The following ANK2 variants were observed in gnomAD, a reference collection of about 807,000 sequenced individuals.
The protein encoded by ANK2 is ankyrin 2.
In ANK2, 83 loss-of-function variants were observed where a neutral mutation model predicts 360.5. The observed-to-expected ratio is 0.23, with a 90% CI of 0.19 to 0.28. ANK2 has a LOEUF of 0.28. ANK2 is among the 10% of genes least tolerant of loss of function. The pLI, the probability that ANK2 is intolerant of heterozygous loss-of-function variation, is 1.00. For missense variants in ANK2, 4,201 were observed against 4,795.7 expected (o/e 0.88, Z 3.66); for synonymous variants, 1,740 against 1,759.5 (o/e 0.99, Z 0.28).
chr4:112,786,393 A>ATT, the ANK2 span, among the ~76,000 whole-genome samples: 53 of 134,462 alleles, frequency 3.9e-4, no homozygotes, highest in African/African-American at 6.3e-4. Context: ...AACCACCAGA[A>ATT]TTTTTTTTTT....
intron 2 of ANK2, among the ~76,000 whole-genome samples, chr4:112,935,612 C>T (rs1187092732): frequency 6.6e-6 from 1 of 151,442 alleles, no homozygotes; most frequent in Non-Finnish European, 1.5e-5. Flanking sequence ...GAGGCCGAGG[C>T]AGGTGGATTG....
At chr4:112,970,065 C>T (rs1182775379) in intron 2 of ANK2, among the ~76,000 whole-genome samples, 1 of 151,860 alleles carries the variant, frequency 6.6e-6, no homozygotes, top group Non-Finnish European at 1.5e-5. Flanking sequence ...CTCACTGCAA[C>T]CGCCGCCTCC....
rs764969399 is a variant in ANK2 at position 113,373,373 on chromosome 4, T to A, written c.11783T>A (p.Val3928Asp). ...GTGCAGGGAATGCCACAGGAACCTG[T>A]CAACATCGAGGAAGGGGATGGCTAT... ...IMVQGMPQEP[V>D]NIEEGDGYSK... The change falls in exon 45 of 46, where the codon GTC becomes GAC. Residue 3928 changes from valine to aspartate, a missense_variant. By Grantham distance (152) the Val-to-Asp change is radical. Transcript: ENST00000357077. 6.2e-7 allele frequency: 1 copy of A among 1,614,064 alleles called. No homozygotes were observed. The highest frequency in any genetic ancestry group is 1.3e-5 in the African/African-American group (1 of 74,938).
At chr4:112,962,698 A>C (rs1187399575) in intron 2 of ANK2, among the ~76,000 whole-genome samples, 1 of 152,134 alleles carries the variant, frequency 6.6e-6, no homozygotes, top group Non-Finnish European at 1.5e-5. Flanking sequence ...TATTAAGAAA[A>C]CATATGCTTA....
intron 1 of ANK2, among the ~76,000 whole-genome samples, chr4:112,862,742 A>C (rs17045083): frequency 6.6e-6 from 1 of 152,120 alleles, no homozygotes; most frequent in South Asian, 2.1e-4. Context: ...TTTTTAAGGC[A>C]TGAGATAAAT....
At chr4:112,794,990 A>G in the ANK2 span, among the ~76,000 whole-genome samples, 1 of 152,236 alleles carries the variant, frequency 6.6e-6, no homozygotes, top group Non-Finnish European at 1.5e-5. Context: ...CAAATGAGGT[A>G]ATGAATGTCA....
At chr4:112,874,854 C>T (rs570234951) in intron 1 of ANK2, among the ~76,000 whole-genome samples, 3 of 152,086 alleles carry the variant, frequency 2.0e-5, no homozygotes, top group Middle Eastern at 3.4e-3. Context: ...ATTGCATCCC[C>T]GGGGCGTAGA....
chr4:113,004,377 AT>A (rs1214680415), intron 2 of ANK2, among the ~76,000 whole-genome samples: 1 of 151,882 alleles, frequency 6.6e-6, no homozygotes, highest in Non-Finnish European at 1.5e-5. Context: ...CTATTTAAAA[AT>A]TTTTTTTGTT....
chr4:113,315,760 G>A (rs1015055184), intron 24 of ANK2, among the ~76,000 whole-genome samples: 8 of 151,912 alleles, frequency 5.3e-5, no homozygotes, highest in South Asian at 2.1e-4. Flanking sequence ...TTAGCCAGGC[G>A]TGGTGGCAGG....
chr4:113,018,898 T>C (rs2057345307), intron 2 of ANK2, among the ~76,000 whole-genome samples: 1 of 152,212 alleles, frequency 6.6e-6, no homozygotes, highest in African/African-American at 2.4e-5. Context: ...TCTATAATCC[T>C]CTGTGGTCAT....
At chr4:112,826,035 A>C (rs1016084461) in intron 1 of ANK2, among the ~76,000 whole-genome samples, 2 of 152,314 alleles carry the variant, frequency 1.3e-5, no homozygotes, top group East Asian at 3.9e-4. Flanking sequence ...TTCTGCTTCT[A>C]CTGCTTCCTC....
At chr4:112,847,196 C>T (rs944162417) in intron 1 of ANK2, among the ~76,000 whole-genome samples, 6 of 152,124 alleles carry the variant, frequency 3.9e-5, no homozygotes, top group African/African-American at 9.7e-5. Context: ...TCTACAGATC[C>T]GGCTGCTTTG....
chr4:113,180,356 G>A (rs1278279881), intron 2 of ANK2, among the ~76,000 whole-genome samples: 1 of 152,188 alleles, frequency 6.6e-6, no homozygotes, highest in Non-Finnish European at 1.5e-5. Flanking sequence ...ATGATTAAGT[G>A]AAATGTTTGC....
At chr4:113,038,259 C>T (rs1316459936) in intron 2 of ANK2, among the ~76,000 whole-genome samples, 1 of 151,926 alleles carries the variant, frequency 6.6e-6, no homozygotes, top group African/African-American at 2.4e-5. Context: ...GACAGTAGCT[C>T]ACATTCAGAA....
intron 1 of ANK2, among the ~76,000 whole-genome samples, chr4:113,068,940 A>G (rs139265123): frequency 1.3e-5 from 2 of 152,192 alleles, no homozygotes; most frequent in African/African-American, 4.8e-5. Flanking sequence ...GTGCATGCCT[A>G]TAGTCCCAGC....
intron 1 of ANK2, among the ~76,000 whole-genome samples, chr4:113,051,728 C>T (rs1275621649): frequency 6.6e-6 from 1 of 152,116 alleles, no homozygotes; most frequent in Admixed American, 6.5e-5. Flanking sequence ...CAGTTCTACC[C>T]TTTAATTTTG....
At chr4:113,289,334 A>G (rs928600894) in intron 20 of ANK2, among the ~76,000 whole-genome samples, 12 of 151,028 alleles carry the variant, frequency 7.9e-5, no homozygotes, top group Non-Finnish European at 1.5e-4. Context: ...TTGCCTCAGG[A>G]CTGGCTAGGA....
the ANK2 span, among the ~76,000 whole-genome samples, chr4:112,731,103 T>G: frequency 6.6e-6 from 1 of 151,170 alleles, no homozygotes; most frequent in Non-Finnish European, 1.5e-5. Context: ...GTTACACCAC[T>G]GCACTCCAGT....
At chr4:112,788,113 C>T in the ANK2 span, 2 of 1,572,890 alleles carry the variant, frequency 1.3e-6, no homozygotes, top group Admixed American at 1.7e-5. Flanking sequence ...GTTCTTTAGC[C>T]TTTGCCTTTT....
Sources: gnomAD v4.1 joint callset for allele counts (sites outside exome capture counted in the v4.1 genomes callset) on GRCh38, gnomAD v4.1.1 for gene constraint, MANE v1.5 for transcripts, NCBI Gene and HGNC (gene_info 2026-07-23, HGNC 2026-07-21) for gene names.